Variants in GRIK2 observed in about 807,000 individuals in gnomAD.
GRIK2 encodes the protein glutamate ionotropic receptor kainate type subunit 2.
Under a neutral mutation model 100.3 loss-of-function variants are expected in GRIK2, and 32 were observed. The ratio of observed to expected loss-of-function variants is 0.32; its 90% CI spans 0.24 to 0.43. The LOEUF (loss-of-function observed/expected upper bound fraction) is 0.43. Among genes scored for constraint, GRIK2 ranks in the 20% least tolerant of loss-of-function variants. GRIK2 has a pLI of 1.00. For missense variants in GRIK2, 843 were observed against 1,114.9 expected (o/e 0.76, Z 3.47); for synonymous variants, 417 against 389.4 (o/e 1.07, Z -0.83).
At chr6:101,594,702 G>A (rs1778827654) in intron 2 of GRIK2, among the ~76,000 whole-genome samples, 2 of 151,858 alleles carry the variant, frequency 1.3e-5, no homozygotes, top group African/African-American at 2.4e-5. Context: ...ATTCAGTGGA[G>A]TAGCAAGGCA....
At chr6:101,905,646 G>T (rs1788167347) in intron 12 of GRIK2, among the ~76,000 whole-genome samples, 2 of 151,120 alleles carry the variant, frequency 1.3e-5, no homozygotes. Context: ...TTTATTTAGT[G>T]ATCTTTTCAC....
At chr6:101,790,454 A>T (rs1165957476) in intron 7 of GRIK2, among the ~76,000 whole-genome samples, 1 of 151,598 alleles carries the variant, frequency 6.6e-6, no homozygotes, top group African/African-American at 2.4e-5. Context: ...TTCTGCATCT[A>T]TTGAGATAAT....
intron 10 of GRIK2, among the ~76,000 whole-genome samples, chr6:101,836,150 T>G (rs1045392671): frequency 6.6e-6 from 1 of 152,020 alleles, no homozygotes; most frequent in Non-Finnish European, 1.5e-5. Flanking sequence ...TAACCTTTTG[T>G]ATGTGGCCTG....
chr6:101,405,296 A>G (rs115768851), intron 2 of GRIK2, among the ~76,000 whole-genome samples: 1,640 of 152,244 alleles, frequency 0.011, 37 homozygotes, highest in African/African-American at 0.037. Context: ...CTGTGAACCT[A>G]GGTTTAGGAC....
At chr6:102,006,132 T>C (rs762117037) in intron 14 of GRIK2, among the ~76,000 whole-genome samples, 1 of 151,992 alleles carries the variant, frequency 6.6e-6, no homozygotes, top group Non-Finnish European at 1.5e-5. Flanking sequence ...GGGGATACAA[T>C]TTAGCCCATA....
chr6:101,927,026 G>A (rs1292842023), intron 13 of GRIK2, among the ~76,000 whole-genome samples: 1 of 152,118 alleles, frequency 6.6e-6, no homozygotes, highest in African/African-American at 2.4e-5. Flanking sequence ...GTCCGAGTGT[G>A]TGTCTGACAG....
chr6:101,957,509 T>G (rs912625990), intron 14 of GRIK2, among the ~76,000 whole-genome samples: 2 of 151,762 alleles, frequency 1.3e-5, no homozygotes, highest in Admixed American at 1.3e-4. Flanking sequence ...TATTTTTTAC[T>G]GTGCAGACAC....
intron 7 of GRIK2, among the ~76,000 whole-genome samples, chr6:101,701,327 T>C (rs1367618842): frequency 6.6e-6 from 1 of 152,054 alleles, no homozygotes; most frequent in African/African-American, 2.4e-5. Flanking sequence ...TTCTCAGTAG[T>C]CATGCCGGAA....
intron 7 of GRIK2, among the ~76,000 whole-genome samples, chr6:101,784,137 A>G (rs555534560): frequency 1.3e-5 from 2 of 152,352 alleles, no homozygotes; most frequent in Admixed American, 6.5e-5. Context: ...TCTCTAAGGC[A>G]TATCAGAGAC....
chr6:101,625,138 C>T (rs1780369020), intron 3 of GRIK2, among the ~76,000 whole-genome samples: 1 of 151,912 alleles, frequency 6.6e-6, no homozygotes, highest in Non-Finnish European at 1.5e-5. Flanking sequence ...CTTTGGGAGG[C>T]CGAGGCGGGT....
chr6:101,792,886 T>A (rs1779985020), intron 7 of GRIK2, among the ~76,000 whole-genome samples: 2 of 152,130 alleles, frequency 1.3e-5, no homozygotes, highest in African/African-American at 4.8e-5. Flanking sequence ...GTCCCATATT[T>A]CTTGGAGGCT....
At chr6:101,899,464 A>G (rs976945894) in intron 12 of GRIK2, among the ~76,000 whole-genome samples, 73 of 152,046 alleles carry the variant, frequency 4.8e-4, no homozygotes, top group Non-Finnish European at 6.3e-4. Flanking sequence ...TATTTTTTCT[A>G]TTTTATTTAA....
chr6:101,656,162 G>A (rs1782054390), intron 4 of GRIK2, among the ~76,000 whole-genome samples: 1 of 151,938 alleles, frequency 6.6e-6, no homozygotes, highest in African/African-American at 2.4e-5. Context: ...AATTAGCTGG[G>A]TGTGGTGGCA....
chr6:101,959,982 A>G (rs187495029), intron 14 of GRIK2, among the ~76,000 whole-genome samples: 1 of 151,376 alleles, frequency 6.6e-6, no homozygotes, highest in Non-Finnish European at 1.5e-5. Flanking sequence ...CTCCCTCAGG[A>G]ATGCCTATAA....
intron 12 of GRIK2, among the ~76,000 whole-genome samples, chr6:101,895,386 C>T (rs562527653): frequency 1.3e-5 from 2 of 151,822 alleles, no homozygotes; most frequent in South Asian, 4.1e-4. Context: ...ACAGTGACCA[C>T]CAACACTGTC....
At chr6:101,458,841 A>C (rs1771143287) in intron 2 of GRIK2, among the ~76,000 whole-genome samples, 1 of 152,180 alleles carries the variant, frequency 6.6e-6, no homozygotes, top group Non-Finnish European at 1.5e-5. Context: ...ATGAGGCCAA[A>C]GATTTCTTGA....
intron 2 of GRIK2, among the ~76,000 whole-genome samples, chr6:101,592,892 T>G (rs1190023459): frequency 6.6e-6 from 1 of 151,778 alleles, no homozygotes; most frequent in East Asian, 2.0e-4. Flanking sequence ...GCAGAACAGA[T>G]GCTGTAAGGA....
At chr6:101,461,845 T>C (rs566690380) in intron 2 of GRIK2, among the ~76,000 whole-genome samples, 1 of 152,282 alleles carries the variant, frequency 6.6e-6, no homozygotes, top group South Asian at 2.1e-4. Context: ...AGAAAAACTT[T>C]GTTTTATACG....
At chr6:101,783,827 G>T (rs752012111) in intron 7 of GRIK2, among the ~76,000 whole-genome samples, 11 of 152,148 alleles carry the variant, frequency 7.2e-5, no homozygotes, top group Non-Finnish European at 1.0e-4. Flanking sequence ...GTGGAACTTT[G>T]AACTTGAGAT....
Sources: allele counts gnomAD v4.1 joint callset (sites outside exome capture counted in the v4.1 genomes callset), GRCh38; gene constraint gnomAD v4.1.1; transcripts MANE v1.5; gene names NCBI Gene and HGNC (gene_info 2026-07-23, HGNC 2026-07-21).